Variants in FER observed in about 807,000 individuals in gnomAD.
FER encodes FER tyrosine kinase, also known as tyrosine-protein kinase Fer.
In FER, 63 loss-of-function variants were observed where a neutral mutation model predicts 111.0. The observed-to-expected ratio is 0.57, with a 90% CI of 0.46 to 0.70. FER has a LOEUF of 0.70. FER is among the 30% of genes least tolerant of loss of function. FER has a pLI of 0.00. For missense variants in FER, 914 were observed against 954.0 expected (o/e 0.96, Z 0.55); for synonymous variants, 327 against 313.9 (o/e 1.04, Z -0.44).
At chr5:108,949,566 T>C (rs534521181) in intron 11 of FER, among the ~76,000 whole-genome samples, 1 of 152,238 alleles carries the variant, frequency 6.6e-6, no homozygotes, top group African/African-American at 2.4e-5. Flanking sequence ...TGTACTGTAA[T>C]GGAACAAATC....
intron 16 of FER, among the ~76,000 whole-genome samples, chr5:109,096,914 C>T (rs1300659804): frequency 6.7e-6 from 1 of 149,510 alleles, no homozygotes; most frequent in Non-Finnish European, 1.5e-5. Flanking sequence ...ATAACAACAA[C>T]AATAATAGTA....
In FER at chr5:109,149,717, A is replaced by G. The variant is rs185913224; in HGVS notation, c.2049-31030A>G. ...TTTAGGAGAATATGGAAACACGCTT[A>G]TAAGATAAATAGGAAAACAACAAAA... On this transcript the variant is annotated intron_variant, in intron 17 of 19. Transcript: ENST00000281092. Among the ~76,000 whole-genome samples the G allele has an allele frequency of 4.0e-5, 6 of 150,080 alleles. No individual in the cohort carries two copies. The East Asian group carries it at 7.7e-4, about 19-fold the overall frequency.
intron 17 of FER, among the ~76,000 whole-genome samples, chr5:109,101,516 C>A (rs1748235471): frequency 6.6e-6 from 1 of 151,998 alleles, no homozygotes; most frequent in Admixed American, 6.6e-5. Flanking sequence ...TTAATTTCCC[C>A]ATGCTCACCC....
intron 13 of FER, among the ~76,000 whole-genome samples, chr5:109,001,444 T>C (rs575181592): frequency 6.6e-6 from 1 of 152,286 alleles, no homozygotes; most frequent in African/African-American, 2.4e-5. Context: ...CCATTCATGC[T>C]AAAAACTCTC....
intron 18 of FER, among the ~76,000 whole-genome samples, chr5:109,181,444 A>G (rs973968129): frequency 1.3e-5 from 2 of 152,196 alleles, no homozygotes; most frequent in Non-Finnish European, 2.9e-5. Flanking sequence ...GTAATTGGAA[A>G]TAAATATAAC....
intron 3 of FER, among the ~76,000 whole-genome samples, chr5:108,811,517 C>T (rs572019885): frequency 6.6e-6 from 1 of 152,170 alleles, no homozygotes; most frequent in African/African-American, 2.4e-5. Flanking sequence ...ATGTATTCTG[C>T]TGTTGTTGGT....
chr5:108,871,465 C>G lies in FER; in HGVS notation c.766C>G (p.Pro256Ala), dbSNP rs1240579735. ...EIQMSVEQID[P>A]STEYNNFIDV... ...TCAAATGTCGGTTGAACAGATAGAT[C>G]CTAGTACAGAATACAATAATTTCAT... The change falls in exon 7 of 20, where the codon CCT becomes GCT. Residue 256 changes from proline (P) to alanine (A), a missense_variant. Pro to Ala is a conservative substitution (Grantham distance 27). Transcript: ENST00000281092. The G allele has an allele frequency of 4.3e-6, 7 of 1,609,626 alleles. No individual in the cohort carries two copies. The highest frequency in any genetic ancestry group is 5.1e-6 in the Non-Finnish European group (6 of 1,177,182).
chr5:109,174,791 G>A (rs1757505990), intron 17 of FER, among the ~76,000 whole-genome samples: 1 of 152,168 alleles, frequency 6.6e-6, no homozygotes, highest in Admixed American at 6.5e-5. Context: ...TTGGCCATGG[G>A]TTAAGGTGTG....
intron 1 of FER, among the ~76,000 whole-genome samples, chr5:108,761,532 TG>T (rs1751751373): frequency 6.6e-6 from 1 of 152,142 alleles, no homozygotes; most frequent in South Asian, 2.1e-4. Flanking sequence ...CAAAGATCAC[TG>T]ATCACAGATG....
intron 3 of FER, chr5:108,820,268 T>C: frequency 1.0e-6 from 1 of 985,392 alleles, no homozygotes; most frequent in Non-Finnish European, 1.2e-6. Flanking sequence ...GAAGTAGCTA[T>C]TAATAAATAG....
intron 11 of FER, among the ~76,000 whole-genome samples, chr5:108,952,547 G>C (rs1256315147): frequency 7.2e-6 from 1 of 138,556 alleles, no homozygotes; most frequent in East Asian, 2.2e-4. Context: ...GTGTTGTATA[G>C]GGGATGGGGA....
intron 17 of FER, among the ~76,000 whole-genome samples, chr5:109,172,692 C>T (rs2126807636): frequency 6.6e-6 from 1 of 152,110 alleles, no homozygotes; most frequent in Admixed American, 6.5e-5. Flanking sequence ...GAGATTAAAA[C>T]ATTTACTTAA....
chr5:108,910,725 A>G (rs1005005081), intron 10 of FER, among the ~76,000 whole-genome samples: 2 of 151,754 alleles, frequency 1.3e-5, no homozygotes, highest in Non-Finnish European at 2.9e-5. Context: ...ATAAGTGAGA[A>G]CATACGGTAT....
chr5:109,051,378 C>T, intron 16 of FER: 2 of 1,611,878 alleles, frequency 1.2e-6, no homozygotes, highest in Non-Finnish European at 1.7e-6. Context: ...TTGAAGGTTG[C>T]TGGTCCACAA....
Position 108,858,029 on chromosome 5 carries a change from G to T in FER, c.482-9738G>T, listed in dbSNP as rs374563805. 3.0e-4 allele frequency among the ~76,000 whole-genome samples: 46 copies of T among 152,308 alleles called. 1 individual carries two copies. The South Asian group carries it at 9.3e-3, about 31-fold the overall frequency. ...CTGGCCATTGGTGTGCTCATTGCTA[G>T]TGGAGTATCTTATTCTAGGTCCTGT... is the stretch of plus-strand genomic sequence containing the variant. On this transcript the variant is annotated intron_variant, in intron 5 of 19. Coordinates refer to ENST00000281092, the MANE Select transcript of FER (RefSeq NM_005246.4).
intron 13 of FER, among the ~76,000 whole-genome samples, chr5:109,021,949 G>C (rs1363438665): frequency 2.6e-5 from 4 of 151,940 alleles, no homozygotes; most frequent in African/African-American, 9.7e-5. Context: ...GATAGAGAAA[G>C]GTAAACAAAT....
At chr5:109,158,388 G>GT (rs1755638965) in intron 17 of FER, among the ~76,000 whole-genome samples, 1 of 152,076 alleles carries the variant, frequency 6.6e-6, no homozygotes, top group Non-Finnish European at 1.5e-5. Context: ...GGGTGACAGA[G>GT]TGAGACACTG....
chr5:108,882,504 C>T (rs1363383351), intron 8 of FER, among the ~76,000 whole-genome samples: 1 of 151,484 alleles, frequency 6.6e-6, no homozygotes, highest in Non-Finnish European at 1.5e-5. Flanking sequence ...GGTGAACTTC[C>T]ATTGTGTTTT....
chr5:108,837,303 A>G (rs1760766126), intron 5 of FER, among the ~76,000 whole-genome samples: 1 of 152,194 alleles, frequency 6.6e-6, no homozygotes, highest in Non-Finnish European at 1.5e-5. Context: ...GCATTCAAGG[A>G]GCTTACAGTC....
Sources: allele counts gnomAD v4.1 joint callset (sites outside exome capture counted in the v4.1 genomes callset), GRCh38; gene constraint gnomAD v4.1.1; transcripts MANE v1.5; gene names NCBI Gene and HGNC (gene_info 2026-07-23, HGNC 2026-07-21).